Variants in SEMA7A observed in about 807,000 individuals in gnomAD.
SEMA7A encodes semaphorin-7A.
A neutral mutation model predicts 67.5 loss-of-function variants in SEMA7A; 21 were observed. The observed-to-expected ratio is 0.31, with a 90% confidence interval of 0.22 to 0.45. The LOEUF (loss-of-function observed/expected upper bound fraction) is 0.45, where lower values mean the gene tolerates loss of function less well. Ranked by LOEUF, SEMA7A falls within the 20% of genes least tolerant of loss-of-function variation. The pLI, the probability that SEMA7A is intolerant of heterozygous loss-of-function variation, is 1.00. For synonymous variants in SEMA7A, 364 were observed against 368.5 expected (o/e 0.99, Z 0.14); for missense variants, 774 against 908.6 (o/e 0.85, Z 1.90).
Position 74,417,462 on chromosome 15 carries a change from G to A in SEMA7A, c.551-17C>T, listed in dbSNP as rs773224795. Reference sequence around the variant, plus strand: ...CCTCGTCCCCTGGGGTCAGTGGGAGGGAGAAATGAGTAAGGGCAGGCAGCT... The same window carrying A: ...CCTCGTCCCCTGGGGTCAGTGGGAGAGAGAAATGAGTAAGGGCAGGCAGCT... On this transcript the variant is annotated splice_polypyrimidine_tract_variant and intron_variant, in intron 5 of 13. Coordinates refer to ENST00000261918, the MANE Select transcript of SEMA7A (RefSeq NM_003612.5). 1.2e-5 allele frequency: 19 copies of A among 1,607,210 alleles called. No individual in the cohort carries two copies. The highest frequency in any genetic ancestry group is 1.4e-5 in the Non-Finnish European group (17 of 1,174,118).
chr15:74,431,946 C>T (rs1344164749), intron 1 of SEMA7A, among the ~76,000 whole-genome samples: 15 of 152,074 alleles, frequency 9.9e-5, no homozygotes, highest in Admixed American at 9.2e-4. Context: ...GAACTGCGGG[C>T]GGGGGGGTAG....
chr15:74,433,942 G>T lies in SEMA7A; in HGVS notation c.-24C>A. 6 of 1,242,786 alleles carry T rather than the reference G, an allele frequency of 4.8e-6. No individual in the cohort carries two copies. Among genetic ancestry groups the T allele is most frequent in the South Asian group, 3.6e-5 (1 of 27,884 alleles). 77.0% of individuals were successfully genotyped at this position (1,242,786 alleles called of 1,614,324 possible). ...ATCCCGTGGCCCCGGGAGCGACAGC[G>T]GCAATCAGCCGAGACTGAGCCAGCG... On this transcript the variant is annotated 5_prime_UTR_variant, in exon 1 of 14. Transcript: ENST00000261918.
chr15:74,433,612 G>A, intron 1 of SEMA7A, 129 bp downstream of exon 1: 1 of 1,272,800 alleles, frequency 7.9e-7, no homozygotes, highest in Non-Finnish European at 9.9e-7. Context: ...GCTCCACGCG[G>A]GGACAGCGCG....
chr15:74,412,763 A>G (rs1203907401), intron 10 of SEMA7A, among the ~76,000 whole-genome samples: 1 of 151,570 alleles, frequency 6.6e-6, no homozygotes, highest in Non-Finnish European at 1.5e-5. Context: ...TTTTTCCACA[A>G]ATGTCCTTCT....
intron 8 of SEMA7A, among the ~76,000 whole-genome samples, chr15:74,415,167 A>T (rs1306164234): frequency 6.6e-6 from 1 of 152,198 alleles, no homozygotes; most frequent in African/African-American, 2.4e-5. Context: ...TCTAGAGGCC[A>T]TCTGCTCTAC....
At position 74,416,596 on chromosome 15, in the gene SEMA7A, G is replaced by T; in HGVS notation, c.780C>A (p.Ser260=). ...DKNPEAPLNV[S]RVAQLCRGDQ... is the part of the protein sequence containing the mutation. The stretch of plus-strand genomic sequence containing the variant: ...TCACCCTGCACAACTGGGCCACACG[G>T]GACACATTGAGAGGAGCCTCAGGAT... Residue 260 remains serine, a synonymous_variant, in exon 7 of 14, where the codon TCC becomes TCA. Transcript: ENST00000261918. 1 of 1,614,032 alleles carries T rather than the reference G, an allele frequency of 6.2e-7. No homozygotes were observed. The highest frequency in any genetic ancestry group is 1.1e-5 in the South Asian group (1 of 91,076).
chr15:74,422,870 G>A lies in SEMA7A; in HGVS notation c.179-3918C>T, dbSNP rs28362894. Among the ~76,000 whole-genome samples the A allele has an allele frequency of 6.8e-3, 1,033 of 152,308 alleles. 18 individuals are homozygous for A. The highest frequency in any genetic ancestry group is 0.023 in the African/African-American group (974 of 41,556). The stretch of plus-strand genomic sequence containing the variant: ...CTCTGGTGCTGTCACCGTCTGGCCC[G>A]CTGTCCCCATACTCTTGTTGTTTGT... On this transcript the variant is annotated intron_variant, in intron 1 of 13. Transcript: ENST00000261918.
intron 1 of SEMA7A, among the ~76,000 whole-genome samples, chr15:74,425,822 T>G (rs1175216856): frequency 1.3e-5 from 2 of 152,214 alleles, no homozygotes; most frequent in Non-Finnish European, 2.9e-5. Context: ...TGGTGACTGC[T>G]TCCCTGTGGG....
rs1596196862 is a variant in SEMA7A, at chr15:74,423,526, T to C, written c.179-4574A>G. 6.6e-6 allele frequency among the ~76,000 whole-genome samples: 1 copy of C among 152,042 alleles called. No individual in the cohort carries two copies. Among genetic ancestry groups the C allele is most frequent in the Non-Finnish European group, 1.5e-5 (1 of 67,980 alleles). On this transcript the variant is annotated intron_variant, in intron 1 of 13. Coordinates refer to ENST00000261918, the MANE Select transcript of SEMA7A (RefSeq NM_003612.5). The surrounding 1 kb of genome is among the most constrained non-coding windows in gnomAD (Gnocchi z 4.1). ...CTGGGCTTCCTGGAGAGCCTCTGATTTGCAAAAAGCTGTATATTCAGCCTC... is the reference window on the plus strand; with the variant it reads ...CTGGGCTTCCTGGAGAGCCTCTGATCTGCAAAAAGCTGTATATTCAGCCTC...
chr15:74,427,268 C>T, intron 1 of SEMA7A: 4 of 985,404 alleles, frequency 4.1e-6, no homozygotes, highest in Non-Finnish European at 4.8e-6. Flanking sequence ...CCTCTTGCTC[C>T]AAGTCTTCCA....
At position 74,412,027 on chromosome 15, in the gene SEMA7A, C is replaced by A; in HGVS notation, c.1295-15G>T. ...AGTGCCCCTGTCTGTGTATGGTGGACAGAGGGTCAGTGGGCGGGAGTCCCA... is the reference window on the plus strand; with the variant it reads ...AGTGCCCCTGTCTGTGTATGGTGGAAAGAGGGTCAGTGGGCGGGAGTCCCA... On this transcript the variant is annotated splice_polypyrimidine_tract_variant and intron_variant, in intron 10 of 13. Transcript: ENST00000261918. 6.2e-7 allele frequency: 1 copy of A among 1,613,434 alleles called. No homozygotes were observed. The highest frequency in any genetic ancestry group is 8.5e-7 in the Non-Finnish European group (1 of 1,179,884).
intron 10 of SEMA7A, among the ~76,000 whole-genome samples, chr15:74,413,929 T>G (rs1442187280): frequency 6.6e-6 from 1 of 152,074 alleles, no homozygotes; most frequent in Non-Finnish European, 1.5e-5. Flanking sequence ...CAGGACTGGC[T>G]CCTCCGTGTC....
In SEMA7A at chr15:74,417,790, T is replaced by C. The variant is rs2060964778; in HGVS notation, c.465+87A>G. The C allele has an allele frequency of 9.0e-6, 14 of 1,552,206 alleles. No homozygotes were observed. The Admixed American group carries it at 1.2e-4, about 13-fold the overall frequency. ...TCCCAGGGCAAGGCCAGCATTGGAG[T>C]CTCGCCATCTCCTTCCCACCATGAG... On this transcript the variant is annotated intron_variant, in intron 4 of 13. Transcript: ENST00000261918.
Position 74,410,852 on chromosome 15 carries a change from G to A in SEMA7A, c.1773C>T (p.His591=), listed in dbSNP as rs775659357. 1.2e-6 allele frequency: 2 copies of A among 1,614,224 alleles called. No individual in the cohort carries two copies. The highest frequency in any genetic ancestry group is 1.7e-6 in the Non-Finnish European group (2 of 1,180,038). The stretch of plus-strand genomic sequence containing the variant: ...TGAACAGGATGCAGTTGGGGCTCTG[G>A]TGACCAGGTTCGCAGCTCTGCTCCA... The part of the protein sequence containing the change: ...ENVEQSCEPG[H]QSPNCILFIE... The change falls in exon 14 of 14, where the codon CAC becomes CAT. Residue 591 remains histidine (H), a synonymous_variant. Transcript: ENST00000261918. This position sits in a 1 kb window ranked among gnomAD's most constrained non-coding sequence, Gnocchi z 7.5.
Position 74,423,836 on chromosome 15 carries a change from TG to T in SEMA7A, c.179-4885del, listed in dbSNP as rs576873186. 9.2e-5 allele frequency among the ~76,000 whole-genome samples: 14 copies of T among 151,754 alleles called. No homozygotes were observed. The East Asian group carries it at 2.5e-3, about 27-fold the overall frequency. On this transcript the variant is annotated intron_variant, in intron 1 of 13. Coordinates refer to ENST00000261918, the MANE Select transcript of SEMA7A (RefSeq NM_003612.5). This position sits in a 1 kb window ranked among gnomAD's most constrained non-coding sequence, Gnocchi z 4.1. The stretch of plus-strand genomic sequence containing the variant: ...TCTCCTGATATGGCCAGGAAGAGGG[TG>T]TGAGAAGCCTGGTTTCCAGGGTGGC...
chr15:74,421,020 C>T lies in SEMA7A; in HGVS notation c.179-2068G>A, dbSNP rs146777405. Among the ~76,000 whole-genome samples the T allele has an allele frequency of 1.1e-3, 167 of 152,372 alleles. 1 individual carries two copies. Among genetic ancestry groups the T allele is most frequent in the Middle Eastern group, 3.4e-3 (1 of 294 alleles). ...CACAGGCCCAGGTCTCCGAGGGGGC[C>T]GGCAAGGCCAATGTACAACTACTCA... On this transcript the variant is annotated intron_variant, in intron 1 of 13. Transcript: ENST00000261918.
At chr15:74,416,533 A>G (rs199732833) in intron 7 of SEMA7A, 42 bp downstream of exon 7, 42 of 1,604,158 alleles carry the variant, frequency 2.6e-5, no homozygotes, top group Admixed American at 5.0e-5. Context: ...AGGCCTATTC[A>G]TGCACAGACA....
At chr15:74,417,249 C>T (rs2060958380) in intron 6 of SEMA7A, 86 bp downstream of exon 6, 9 of 1,073,800 alleles carry the variant, frequency 8.4e-6, no homozygotes, top group South Asian at 5.3e-5. Flanking sequence ...CTCAGGGAGC[C>T]CTCCCAGAAA....
Position 74,411,270 on chromosome 15 carries a change from C to A in SEMA7A, c.1639+25G>T, listed in dbSNP as rs1359965642. On this transcript the variant is annotated intron_variant, in intron 13 of 13. Coordinates refer to ENST00000261918, the MANE Select transcript of SEMA7A (RefSeq NM_003612.5). The surrounding 1 kb of genome is among the most constrained non-coding windows in gnomAD (Gnocchi z 4.4). ...CAGTACCCCACTCATTGGGCCACAG[C>A]CGCCAGCAGGGCCAGATCAGGTACC... is the stretch of plus-strand genomic sequence containing the variant. The A allele has an allele frequency of 6.2e-7, 1 of 1,610,404 alleles. No individual in the cohort carries two copies. The highest frequency in any genetic ancestry group is 8.5e-7 in the Non-Finnish European group (1 of 1,177,852).
Sources: gnomAD v4.1 joint callset for allele counts (sites outside exome capture counted in the v4.1 genomes callset) on GRCh38, gnomAD v4.1.1 for gene constraint, Gnocchi (gnomAD v3.1) non-coding constraint, MANE v1.5 for transcripts, NCBI Gene and HGNC (gene_info 2026-07-23, HGNC 2026-07-21) for gene names.